The following DYM variants were observed in gnomAD, a reference collection of about 807,000 sequenced individuals.
DYM encodes dymeclin.
In DYM, 78 loss-of-function variants were observed where a neutral mutation model predicts 93.1. That is an observed-to-expected ratio of 0.84 (90% CI 0.70 to 1.01). DYM has a LOEUF of 1.01. DYM is among the 50% of genes least tolerant of loss of function. The pLI, the probability that DYM is intolerant of heterozygous loss-of-function variation, is 0.00. For missense variants in DYM, 789 were observed against 845.0 expected (o/e 0.93, Z 0.82); for synonymous variants, 321 against 319.7 (o/e 1.00, Z -0.04).
At chr18:49,406,095 T>C (rs1189836981) in intron 2 of DYM, among the ~76,000 whole-genome samples, 1 of 152,252 alleles carries the variant, frequency 6.6e-6, no homozygotes, top group Non-Finnish European at 1.5e-5. Flanking sequence ...TGAAGTCATT[T>C]ATCTGCTCTA....
chr18:49,245,625 T>C (rs185224783), intron 13 of DYM, among the ~76,000 whole-genome samples: 2 of 152,330 alleles, frequency 1.3e-5, no homozygotes, highest in Non-Finnish European at 2.9e-5. Flanking sequence ...CCCTATTTCC[T>C]GTTAAGATGT....
chr18:49,069,965 C>T (rs559246230), intron 17 of DYM, among the ~76,000 whole-genome samples: 13 of 152,300 alleles, frequency 8.5e-5, no homozygotes, highest in South Asian at 2.1e-4. Flanking sequence ...TGCCTGAACC[C>T]GGGGGGTGCA....
At chr18:49,393,563 G>A (rs569070302) in intron 2 of DYM, 1 of 152,228 alleles carries the variant, frequency 6.6e-6, no homozygotes, top group African/African-American at 2.4e-5. Flanking sequence ...CTGAAGTCGG[G>A]AGTTCAAGAC....
At chr18:49,205,941 G>A (rs1224758653) in intron 14 of DYM, 2 of 167,996 alleles carry the variant, frequency 1.2e-5, no homozygotes, top group Non-Finnish European at 2.5e-5. Flanking sequence ...GAAGTTTGCA[G>A]TGGAGTAAGA....
intron 17 of DYM, among the ~76,000 whole-genome samples, chr18:49,087,735 A>G (rs1008969802): frequency 2.6e-5 from 4 of 152,144 alleles, no homozygotes; most frequent in African/African-American, 4.8e-5. Flanking sequence ...AGTCCCACCA[A>G]CAGTGTAAAA....
At chr18:49,410,776 A>AAAAATT (rs908864427) in intron 2 of DYM, among the ~76,000 whole-genome samples, 1 of 152,144 alleles carries the variant, frequency 6.6e-6, no homozygotes, top group Non-Finnish European at 1.5e-5. Flanking sequence ...CCTGTCTCAA[A>AAAAATT]AAAATTAAAA....
intron 3 of DYM, among the ~76,000 whole-genome samples, chr18:49,380,671 G>A (rs1299497964): frequency 6.6e-6 from 1 of 152,206 alleles, no homozygotes; most frequent in Non-Finnish European, 1.5e-5. Flanking sequence ...GCTCTATTGG[G>A]CTGCACAGCA....
intron 8 of DYM, among the ~76,000 whole-genome samples, chr18:49,301,302 C>T (rs1190664350): frequency 2.0e-5 from 3 of 152,046 alleles, no homozygotes; most frequent in African/African-American, 4.8e-5. Flanking sequence ...TGGCAGATCA[C>T]GAGCTCAGGA....
intron 16 of DYM, among the ~76,000 whole-genome samples, chr18:49,112,113 G>GCCTCCTCTCCACACCCC: frequency 1.6e-5 from 2 of 126,296 alleles, no homozygotes; most frequent in East Asian, 4.7e-4. Flanking sequence ...CTCTGCACCC[G>GCCTCCTCTCCACACCCC]CCTCCTCTCC....
intron 1 of DYM, among the ~76,000 whole-genome samples, chr18:49,440,038 AAATAAATAAATAAAT>A (rs1555750110): frequency 6.8e-6 from 1 of 147,092 alleles, no homozygotes; most frequent in Non-Finnish European, 1.5e-5. Flanking sequence ...ATAAATAAAT[AAATAAATAAATAAAT>A]AAAACATGAT....
chr18:49,419,829 A>G (rs1463726859), intron 2 of DYM, among the ~76,000 whole-genome samples: 1 of 152,258 alleles, frequency 6.6e-6, no homozygotes, highest in Non-Finnish European at 1.5e-5. Context: ...ACCATATACT[A>G]TAATTTGGAA....
rs370234333 is a variant in DYM at position 49,248,400 on chromosome 18, A to C, written c.1460+8610T>G. Among the ~76,000 whole-genome samples, 20 of 152,334 alleles carry C rather than the reference A, an allele frequency of 1.3e-4. No homozygotes were observed. The South Asian group carries it at 3.9e-3, about 30-fold the overall frequency. On this transcript the variant is annotated intron_variant, in intron 13 of 17. Coordinates refer to ENST00000675505, the MANE Select transcript of DYM (RefSeq NM_001353214.3). Reference sequence around the variant, plus strand: ...AATGTTATAATACTATAATAGAGAAAATAGAGATGCAAGACTTTACAAGCC... The same window carrying C: ...AATGTTATAATACTATAATAGAGAACATAGAGATGCAAGACTTTACAAGCC...
rs1265808622 is a variant in DYM, at chr18:49,333,779, T to C, written c.569A>G (p.Lys190Arg). The change falls in exon 7 of 18, where the codon AAA becomes AGA. Residue 190 changes from lysine (K) to arginine (R), a missense_variant. Lys to Arg is a conservative substitution (Grantham distance 26, BLOSUM62 2). Transcript: ENST00000675505. ...GCTGATGCTCTGTCGCAAAACTTCTTTGTGGAAGAGTTGGCAGGAAAGGAA... is the reference window on the plus strand; with the variant it reads ...GCTGATGCTCTGTCGCAAAACTTCTCTGTGGAAGAGTTGGCAGGAAAGGAA... ...VVFLSCQLFHKEVLRQSISHK... is the reference protein window; with the variant it reads ...VVFLSCQLFHREVLRQSISHK... 4 of 1,613,914 alleles carry C rather than the reference T, an allele frequency of 2.5e-6. No homozygotes were observed. The African/African-American group carries it at 4.0e-5, about 16-fold the overall frequency.
intron 15 of DYM, among the ~76,000 whole-genome samples, chr18:49,137,251 C>T (rs1409868316): frequency 1.3e-5 from 2 of 152,166 alleles, no homozygotes; most frequent in African/African-American, 2.4e-5. Flanking sequence ...ATAACACACC[C>T]AGTACAGGCC....
chr18:49,348,290 C>T (rs757024731), intron 6 of DYM, among the ~76,000 whole-genome samples: 29 of 152,100 alleles, frequency 1.9e-4, no homozygotes, highest in Non-Finnish European at 8.8e-5. Context: ...TGCATGCCAA[C>T]ATGGAGATTC....
At chr18:49,283,271 T>C (rs1172096375) in intron 9 of DYM, among the ~76,000 whole-genome samples, 1 of 152,184 alleles carries the variant, frequency 6.6e-6, no homozygotes, top group African/African-American at 2.4e-5. Context: ...CCATTGCAGG[T>C]TGGGGGCCAT....
chr18:49,161,062 A>G (rs904210498), intron 15 of DYM, among the ~76,000 whole-genome samples: 2 of 152,118 alleles, frequency 1.3e-5, no homozygotes, highest in Admixed American at 1.3e-4. Flanking sequence ...TGTGATTTAC[A>G]AAGTCTCATA....
chr18:49,387,315 C>T (rs538995082), intron 3 of DYM, among the ~76,000 whole-genome samples: 3 of 151,940 alleles, frequency 2.0e-5, no homozygotes, highest in Non-Finnish European at 4.4e-5. Flanking sequence ...CTCACTCTGT[C>T]GCCCAGGCTG....
chr18:49,168,225 CTA>C (rs913018272), intron 14 of DYM, among the ~76,000 whole-genome samples: 10 of 149,228 alleles, frequency 6.7e-5, no homozygotes, highest in East Asian at 1.9e-4. Context: ...CCCTCTCTCT[CTA>C]TATATATATA....
Sources: allele counts gnomAD v4.1 joint callset (sites outside exome capture counted in the v4.1 genomes callset), GRCh38; gene constraint gnomAD v4.1.1; transcripts MANE v1.5; gene names NCBI Gene and HGNC (gene_info 2026-07-23, HGNC 2026-07-21).